DENND4A: variants seen among roughly 807,000 people sequenced by gnomAD.
The protein encoded by DENND4A is C-myc promoter-binding protein.
Under a neutral mutation model 199.3 loss-of-function variants are expected in DENND4A, and 70 were observed. The observed-to-expected ratio is 0.35, with a 90% CI of 0.29 to 0.43. The LOEUF is 0.43. DENND4A is among the 20% of genes least tolerant of loss of function. The pLI is 1.00. For missense variants in DENND4A, 1,723 were observed against 2,255.8 expected, an observed-to-expected ratio of 0.76 and a Z score of 4.78; for synonymous variants, 686 against 766.9, an observed-to-expected ratio of 0.89 and a Z score of 1.74.
chr15:65,732,546 T>G (rs1459096798), intron 8 of DENND4A, among the ~76,000 whole-genome samples: 1 of 152,166 alleles, frequency 6.6e-6, no homozygotes, highest in African/African-American at 2.4e-5. Context: ...CTTTAATTCT[T>G]GAACCCGTTC....
intron 1 of DENND4A, among the ~76,000 whole-genome samples, chr15:65,787,443 T>C (rs1157813322): frequency 6.6e-6 from 1 of 152,224 alleles, no homozygotes; most frequent in Non-Finnish European, 1.5e-5. Context: ...TTTCTACCTC[T>C]TTCTTTTTTG....
At chr15:65,740,447 TAA>T (rs1046623413) in intron 5 of DENND4A, among the ~76,000 whole-genome samples, 43 of 114,400 alleles carry the variant, frequency 3.8e-4, no homozygotes, top group Admixed American at 5.6e-4. Context: ...CCATCTCTAC[TAA>T]AAAAAAAAAA....
intron 13 of DENND4A, among the ~76,000 whole-genome samples, chr15:65,715,899 C>G (rs1484371256): frequency 1.3e-5 from 2 of 152,162 alleles, no homozygotes; most frequent in Non-Finnish European, 2.9e-5. Flanking sequence ...AAATTGCTCT[C>G]TTTTCCCCTA....
chr15:65,738,024 A>C (rs2076161499), intron 6 of DENND4A, 79 bp from the exon 7 acceptor site: 39 of 1,407,444 alleles, frequency 2.8e-5, no homozygotes, highest in Non-Finnish European at 3.5e-5. Flanking sequence ...ATATTTAATA[A>C]ATGCTTGCTA....
At chr15:65,771,720 G>A in intron 1 of DENND4A, 1 of 1,610,260 alleles carries the variant, frequency 6.2e-7, no homozygotes, top group Non-Finnish European at 8.5e-7. Flanking sequence ...AAGTCTTCTG[G>A]AGTTATATCA....
chr15:65,749,722 T>C (rs1206287403), intron 4 of DENND4A, among the ~76,000 whole-genome samples: 3 of 152,126 alleles, frequency 2.0e-5, no homozygotes, highest in African/African-American at 7.2e-5. Flanking sequence ...TTGTATTATA[T>C]AGTCAATAAT....
At chr15:65,749,594 C>G (rs1264997246) in intron 4 of DENND4A, among the ~76,000 whole-genome samples, 1 of 151,406 alleles carries the variant, frequency 6.6e-6, no homozygotes, top group Non-Finnish European at 1.5e-5. Flanking sequence ...TAATATTTAG[C>G]CATTCAATAA....
At position 65,659,661 on chromosome 15, in the gene DENND4A, T is replaced by C. The variant is rs986787060; in HGVS notation, c.*2190A>G. On this transcript the variant is annotated 3_prime_UTR_variant, in exon 33 of 33. Transcript: ENST00000443035. ...CCCAGCTCAAGAATGATTCACATTT[T>C]AATTTTCTTTTGAACAGGTTTACCA... The C allele has an allele frequency of 2.6e-5, 4 of 152,238 alleles. No homozygotes were observed. Among genetic ancestry groups the C allele is most frequent in the Non-Finnish European group, 5.9e-5 (4 of 68,154 alleles). The allele number at this position is 152,238 out of a possible 1,614,324, so 9.4% of individuals were successfully genotyped here.
intron 14 of DENND4A, among the ~76,000 whole-genome samples, chr15:65,709,192 A>G (rs1246175481): frequency 6.6e-6 from 1 of 152,230 alleles, no homozygotes; most frequent in African/African-American, 2.4e-5. Flanking sequence ...ACTAAGGAAT[A>G]ACCCTCACAA....
At chr15:65,774,147 C>T (rs778513996) in intron 1 of DENND4A, among the ~76,000 whole-genome samples, 17 of 151,326 alleles carry the variant, frequency 1.1e-4, no homozygotes, top group South Asian at 2.1e-4. Context: ...CTTGAGGTCA[C>T]GAGTTCGAGA....
intron 23 of DENND4A, among the ~76,000 whole-genome samples, chr15:65,682,132 C>A (rs1258406627): frequency 6.6e-6 from 1 of 152,110 alleles, no homozygotes; most frequent in Admixed American, 6.5e-5. Flanking sequence ...TACACTACCC[C>A]CTAACAAGAG....
rs530394336 is a variant in DENND4A, at chr15:65,716,694, C to T, written c.1808-1071G>A. Reference sequence around the variant, plus strand: ...AAGTCTTTGTTATTGTGAATAGTGCCGCAATAAACATACGTGTGCATGTGT... The same window carrying T: ...AAGTCTTTGTTATTGTGAATAGTGCTGCAATAAACATACGTGTGCATGTGT... On this transcript the variant is annotated intron_variant, in intron 13 of 32. Transcript: ENST00000443035. 4.4e-4 allele frequency among the ~76,000 whole-genome samples: 66 copies of T among 151,714 alleles called. 1 individual carries two copies. The East Asian group carries it at 0.011, about 26-fold the overall frequency.
intron 21 of DENND4A, chr15:65,696,771 G>C (rs1244632663): frequency 2.7e-5 from 7 of 259,006 alleles, no homozygotes; most frequent in Non-Finnish European, 7.5e-6. Context: ...TTTTGGTGGA[G>C]TGGGGAAGGG....
intron 13 of DENND4A, 54 bp from the exon 14 acceptor site, chr15:65,715,677 C>T: frequency 1.4e-6 from 2 of 1,463,026 alleles, no homozygotes; most frequent in East Asian, 2.6e-5. Flanking sequence ...CATAGATTCA[C>T]AGAATATTTG....
At chr15:65,770,332 G>C (rs184497179) in intron 1 of DENND4A, among the ~76,000 whole-genome samples, 1 of 152,188 alleles carries the variant, frequency 6.6e-6, no homozygotes, top group African/African-American at 2.4e-5. Context: ...AATTTTGGCA[G>C]CCCTTCAAGG....
At position 65,700,668 on chromosome 15, in the gene DENND4A, G is replaced by T; in HGVS notation, c.2709C>A (p.Gly903=). 1 of 1,535,970 alleles carries T rather than the reference G, an allele frequency of 6.5e-7. No individual in the cohort carries two copies. Among genetic ancestry groups the T allele is most frequent in the East Asian group, 2.5e-5 (1 of 40,380 alleles). The change falls in exon 20 of 33, where the codon GGC becomes GGA. Residue 903 remains glycine (G), a synonymous_variant. Transcript: ENST00000443035. ...HLSQTTLSAD[G]SDLDAVSHGS... is the part of the protein sequence containing the mutation. ...CATGACTAACAGCATCCAGGTCACT[G>T]CCATCTGCTTAAGAACACAATTTGA...
chr15:65,750,422 AAAC>A (rs2140585724), intron 4 of DENND4A, among the ~76,000 whole-genome samples: 1 of 152,320 alleles, frequency 6.6e-6, no homozygotes, highest in South Asian at 2.1e-4. Flanking sequence ...ATCACACCCT[AAAC>A]CTCAGCATCA....
chr15:65,756,935 G>A (rs1310410773), intron 2 of DENND4A, among the ~76,000 whole-genome samples: 1 of 152,148 alleles, frequency 6.6e-6, no homozygotes, highest in Non-Finnish European at 1.5e-5. Context: ...TACTCAGGAG[G>A]CTGAGGCAGG....
At position 65,701,987 on chromosome 15, in the gene DENND4A, G is replaced by A. The variant is rs1018881284; in HGVS notation, c.2431-97C>T. 94 of 1,513,436 alleles carry A rather than the reference G, an allele frequency of 6.2e-5. No individual in the cohort carries two copies. The African/African-American group carries it at 1.3e-3, about 20-fold the overall frequency. The allele number at this position is 1,513,436 out of a possible 1,614,324, so 93.8% of individuals were successfully genotyped here. A position where few individuals can be genotyped will look rare whatever the true frequency, so the allele number is the denominator to read the frequency against. On this transcript the variant is annotated intron_variant, in intron 17 of 32. Transcript: ENST00000443035. ...CATTTTAAACAATAATTGTGGCAGG[G>A]CACAGTGGCTCATGCCTGTAATTCC...
Sources: allele counts gnomAD v4.1 joint callset (sites outside exome capture counted in the v4.1 genomes callset), GRCh38; gene constraint gnomAD v4.1.1; transcripts MANE v1.5; gene names NCBI Gene and HGNC (gene_info 2026-07-23, HGNC 2026-07-21).